The following CR1L variants were observed in gnomAD, a reference collection of about 807,000 sequenced individuals.
CR1L encodes complement C3b/C4b receptor 1 like, also known as complement component receptor 1-like protein.
A neutral mutation model predicts 62.3 loss-of-function variants in CR1L; 59 were observed. The ratio of observed to expected loss-of-function variants is 0.95; its 90% confidence interval spans 0.77 to 1.18. The LOEUF (loss-of-function observed/expected upper bound fraction) is 1.18. CR1L is among the 50% of genes most tolerant of loss of function. The probability of loss-of-function intolerance (pLI) is 0.00; values close to 1 mark genes in which losing one functional copy is unlikely to be tolerated. For missense variants in CR1L, 700 were observed against 702.8 expected, an observed-to-expected ratio of 1.00 and a Z score of 0.04; for synonymous variants, 279 against 248.7, an observed-to-expected ratio of 1.12 and a Z score of -1.15.
chr1:207,652,859 C>A (rs1663243676), intron 1 of CR1L: 1 of 401,508 alleles, frequency 2.5e-6, no homozygotes, highest in Non-Finnish European at 4.5e-6. Flanking sequence ...TTTAAGATAG[C>A]AATGCATTTT....
intron 1 of CR1L, among the ~76,000 whole-genome samples, chr1:207,675,521 G>GGGGAAA (rs1393422159): frequency 2.0e-5 from 3 of 152,166 alleles, no homozygotes; most frequent in Non-Finnish European, 4.4e-5. Flanking sequence ...AACTGAAAAA[G>GGGGAAA]GGGAAAGGGC....
chr1:207,660,394 G>T (rs973806371), intron 1 of CR1L, among the ~76,000 whole-genome samples: 6 of 152,208 alleles, frequency 3.9e-5, no homozygotes, highest in Non-Finnish European at 8.8e-5. Flanking sequence ...AACAAGGTCT[G>T]GAGTGGACCT....
Position 207,708,219 on chromosome 1 carries a change from C to A in CR1L, c.1370C>A (p.Ser457Ter). The change falls in exon 10 of 12, where the codon TCG becomes TAG. Residue 457 changes from serine to a stop codon, truncating the protein, a stop_gained. Transcript: ENST00000508064. LOFTEE classifies it high-confidence loss of function. Reference protein sequence around the residue: ...IGHSSAECILSGNTAHWSMKP... With the variant: ...IGHSSAECIL ...CACTCATCTGCTGAATGTATCCTCT[C>A]GGGCAATACTGCCCATTGGAGCATG... 6.2e-7 allele frequency: 1 copy of A among 1,611,478 alleles called. No individual in the cohort carries two copies.
intron 4 of CR1L, 103 bp downstream of exon 4, chr1:207,684,060 C>CACAT: frequency 9.2e-7 from 1 of 1,081,778 alleles, no homozygotes; most frequent in Non-Finnish European, 1.3e-6. Context: ...ATCTGTACTT[C>CACAT]ACATGGCTGA....
At chr1:207,695,904 A>AC (rs1428966056) in intron 5 of CR1L, among the ~76,000 whole-genome samples, 1 of 152,082 alleles carries the variant, frequency 6.6e-6, no homozygotes, top group African/African-American at 2.4e-5. Flanking sequence ...ATTAGAAACC[A>AC]CCCCCATGAT....
At chr1:207,686,264 C>T (rs149342796) in intron 4 of CR1L, among the ~76,000 whole-genome samples, 2,067 of 148,778 alleles carry the variant, frequency 0.014, 27 homozygotes, top group Non-Finnish European at 0.021. Flanking sequence ...TAACATTGAA[C>T]ATTGGTAGCA....
chr1:207,686,102 T>C (rs973554564), intron 4 of CR1L, among the ~76,000 whole-genome samples: 24 of 14,442 alleles, frequency 1.7e-3, no homozygotes, highest in African/African-American at 5.7e-3. Flanking sequence ...CTCCTTTCCT[T>C]CCTTCCTCCC....
Position 207,692,501 on chromosome 1 carries a change from T to C in CR1L, c.464-1852T>C, listed in dbSNP as rs879421586. 1.2e-4 allele frequency among the ~76,000 whole-genome samples: 19 copies of C among 152,306 alleles called. 1 individual carries two copies. Among genetic ancestry groups the C allele is most frequent in the Middle Eastern group, 3.4e-3 (1 of 294 alleles). On this transcript the variant is annotated intron_variant, in intron 4 of 11. Coordinates refer to ENST00000508064, the MANE Select transcript of CR1L (RefSeq NM_175710.2). Reference sequence around the variant, plus strand: ...CTCCATGGGACAGCTAGATAAAACCTACTTGACTAGCGTCCCTGCCCTCTG... The same window carrying C: ...CTCCATGGGACAGCTAGATAAAACCCACTTGACTAGCGTCCCTGCCCTCTG...
intron 1 of CR1L, among the ~76,000 whole-genome samples, chr1:207,648,046 C>G (rs1185392124): frequency 6.6e-6 from 1 of 151,766 alleles, no homozygotes; most frequent in Non-Finnish European, 1.5e-5. Flanking sequence ...TGCCTGTGGT[C>G]CCAGCTACTT....
intron 1 of CR1L, among the ~76,000 whole-genome samples, chr1:207,671,859 T>A (rs1249729034): frequency 6.6e-6 from 1 of 150,702 alleles, no homozygotes; most frequent in African/African-American, 2.5e-5. Flanking sequence ...AGGCAGAGGT[T>A]GCAGTGAGCC....
At chr1:207,682,290 G>C (rs1200945759) in intron 3 of CR1L, among the ~76,000 whole-genome samples, 1 of 152,028 alleles carries the variant, frequency 6.6e-6, no homozygotes, top group East Asian at 1.9e-4. Flanking sequence ...TAGTCAACAT[G>C]ATGAAACCCC....
intron 10 of CR1L, among the ~76,000 whole-genome samples, chr1:207,709,710 G>A (rs1449190263): frequency 1.3e-5 from 2 of 151,356 alleles, no homozygotes; most frequent in African/African-American, 2.4e-5. Flanking sequence ...GGTCGTGCAT[G>A]TCTGTAATCC....
At chr1:207,663,828 C>T (rs1663467470) in intron 1 of CR1L, among the ~76,000 whole-genome samples, 1 of 152,174 alleles carries the variant, frequency 6.6e-6, no homozygotes, top group African/African-American at 2.4e-5. Context: ...TGAGTTTGTT[C>T]CTACTGCAGG....
intron 4 of CR1L, among the ~76,000 whole-genome samples, chr1:207,689,483 C>G (rs1215634494): frequency 6.6e-6 from 1 of 151,932 alleles, no homozygotes; most frequent in African/African-American, 2.4e-5. Flanking sequence ...TTGTATCATC[C>G]TTTGGAAATA....
In CR1L at chr1:207,677,573, G is replaced by A. The variant is rs1663717215; in HGVS notation, c.277+5G>A. ...GTGCTAAGGACAAGTGCAAACGTAA[G>A]TAACTCTGGAGTGGGAACCCCTCTG... On this transcript the variant is annotated splice_donor_5th_base_variant and intron_variant, in intron 2 of 11. Coordinates refer to ENST00000508064, the MANE Select transcript of CR1L (RefSeq NM_175710.2). 1 of 1,611,816 alleles carries A rather than the reference G, an allele frequency of 6.2e-7. No individual in the cohort carries two copies. Among genetic ancestry groups the A allele is most frequent in the Admixed American group, 1.7e-5 (1 of 59,504 alleles).
intron 10 of CR1L, among the ~76,000 whole-genome samples, chr1:207,713,674 G>A (rs1157869871): frequency 1.3e-5 from 2 of 152,254 alleles, no homozygotes; most frequent in Non-Finnish European, 2.9e-5. Flanking sequence ...CACAGGAGCG[G>A]GCTCCGTGCA....
At chr1:207,706,207 C>A (rs1005498989) in intron 9 of CR1L, among the ~76,000 whole-genome samples, 1 of 151,538 alleles carries the variant, frequency 6.6e-6, no homozygotes, top group Non-Finnish European at 1.5e-5. Context: ...ATCACTTGAC[C>A]CCAGGACCTC....
chr1:207,652,627 G>A, intron 1 of CR1L: 1 of 1,362,098 alleles, frequency 7.3e-7, no homozygotes. Context: ...TGGGGAACAA[G>A]TAGATTATAA....
intron 11 of CR1L, among the ~76,000 whole-genome samples, chr1:207,723,393 C>G (rs1654180941): frequency 6.6e-6 from 1 of 150,508 alleles, no homozygotes; most frequent in Admixed American, 6.6e-5. Flanking sequence ...CCACTGCACT[C>G]CAGCCTGGCG....
Sources: gnomAD v4.1 joint callset for allele counts (sites outside exome capture counted in the v4.1 genomes callset) on GRCh38, gnomAD v4.1.1 for gene constraint, MANE v1.5 for transcripts, NCBI Gene and HGNC (gene_info 2026-07-23, HGNC 2026-07-21) for gene names.